Variants in TRADD observed in about 807,000 individuals in gnomAD.
The protein encoded by TRADD is TNFRSF1A associated via death domain, also known as tumor necrosis factor receptor type 1-associated DEATH domain protein.
TRADD carries 14 observed loss-of-function variants against 31.5 expected under a neutral mutation model. That is an observed-to-expected ratio of 0.44 (90% CI 0.29 to 0.69). The LOEUF is 0.69. TRADD is among the 30% of genes least tolerant of loss of function. The pLI is 0.11. For missense variants in TRADD, 388 were observed against 435.7 expected (o/e 0.89, Z 0.97); for synonymous variants, 220 against 215.8 (o/e 1.02, Z -0.17).
rs1333925764 is a variant in TRADD at position 67,156,078 on chromosome 16, C to T, written c.152-424G>A. 7.4e-7 allele frequency: 1 copy of T among 1,349,662 alleles called. No individual in the cohort carries two copies. The highest frequency in any genetic ancestry group is 4.4e-5 in the East Asian group (1 of 22,822). 83.6% of individuals were successfully genotyped at this position (1,349,662 alleles called of 1,614,324 possible). A position where few individuals can be genotyped will look rare whatever the true frequency, so the allele number is the denominator to read the frequency against. On this transcript the variant is annotated intron_variant, in intron 2 of 4. Transcript: ENST00000345057. This position sits in a 1 kb window ranked among gnomAD's most constrained non-coding sequence, Gnocchi z 4.6. ...ACTGCTCGGGAAGAAGAGGGGCTCT[C>T]GCCGCTCTGAGGCCACGAACAGATC...
Position 67,156,125 on chromosome 16 carries a change from T to C in TRADD, c.151+385A>G. Reference sequence around the variant, plus strand: ...GATCCCCCAACCCGCTTCAGCCTCCTGTGGCCTCTGCCCTGAGATGGGAAA... The same window carrying C: ...GATCCCCCAACCCGCTTCAGCCTCCCGTGGCCTCTGCCCTGAGATGGGAAA... On this transcript the variant is annotated intron_variant, in intron 2 of 4. Transcript: ENST00000345057. The surrounding 1 kb of genome is among the most constrained non-coding windows in gnomAD (Gnocchi z 4.6). 7.4e-7 allele frequency: 1 copy of C among 1,352,176 alleles called. No homozygotes were observed. The highest frequency in any genetic ancestry group is 9.7e-7 in the Non-Finnish European group (1 of 1,030,762). The allele number at this position is 1,352,176 out of a possible 1,614,324, so 83.8% of individuals were successfully genotyped here.
rs1424990151 is a variant in TRADD, at chr16:67,154,714, TCTC to T, written c.871_873del (p.Glu291del). The T allele has an allele frequency of 6.2e-7, 1 of 1,612,494 alleles. No homozygotes were observed. ...TCCTCTGCCAGGCTGGTGAGCTCGT[TCTC>T]CTCGAGTGCCTCCACCAGGCGCTGC... On this transcript the variant is annotated inframe_deletion, in exon 5 of 5. Coordinates refer to ENST00000345057, the MANE Select transcript of TRADD (RefSeq NM_003789.4). The surrounding 1 kb of genome is among the most constrained non-coding windows in gnomAD (Gnocchi z 5.2).
rs753146620 is a variant in TRADD, at chr16:67,154,694, T to G, written c.894A>C (p.Ala298=). Residue 298 remains alanine (A), a synonymous_variant, in exon 5 of 5, where the codon GCA becomes GCC. Coordinates refer to ENST00000345057, the MANE Select transcript of TRADD (RefSeq NM_003789.4). The surrounding 1 kb of genome is among the most constrained non-coding windows in gnomAD (Gnocchi z 5.2). The part of the protein sequence containing the change: ...ALEENELTSL[A]EDLLGLTDPN... ...GATCGGTCAGGCCCAGCAAGTCCTC[T>G]GCCAGGCTGGTGAGCTCGTTCTCCT... 1 of 1,612,932 alleles carries G rather than the reference T, an allele frequency of 6.2e-7. No individual in the cohort carries two copies. The highest frequency in any genetic ancestry group is 1.3e-5 in the African/African-American group (1 of 75,050).
chr16:67,158,770 G>T (rs1233887260), intron 1 of TRADD, among the ~76,000 whole-genome samples: 1 of 152,202 alleles, frequency 6.6e-6, no homozygotes, highest in Non-Finnish European at 1.5e-5. Context: ...AGCCAGCCAC[G>T]GAGGTGAGAT....
intron 1 of TRADD, among the ~76,000 whole-genome samples, chr16:67,157,360 G>C (rs1332037915): frequency 6.6e-6 from 1 of 152,120 alleles, no homozygotes; most frequent in South Asian, 2.1e-4. Flanking sequence ...TTCAGGGCGG[G>C]GTATAGGACT....
chr16:67,156,742 G>A lies in TRADD; in HGVS notation c.-8-74C>T. On this transcript the variant is annotated intron_variant, in intron 1 of 4. Coordinates refer to ENST00000345057, the MANE Select transcript of TRADD (RefSeq NM_003789.4). The surrounding 1 kb of genome is among the most constrained non-coding windows in gnomAD (Gnocchi z 4.6). ...CCTGGAGACAACTACCCAGCCCCAC[G>A]TGGTTCAGCTGTCCCCACCACAGTA... 1 of 1,593,430 alleles carries A rather than the reference G, an allele frequency of 6.3e-7. No homozygotes were observed. Among genetic ancestry groups the A allele is most frequent in the Non-Finnish European group, 8.5e-7 (1 of 1,170,262 alleles).
At chr16:67,155,763 C>T in intron 2 of TRADD, 109 bp from the exon 3 acceptor site, 1 of 1,468,140 alleles carries the variant, frequency 6.8e-7, no homozygotes, top group Non-Finnish European at 9.0e-7. Flanking sequence ...CATCCCCTGA[C>T]CTAGGGTGCA....
At position 67,155,090 on chromosome 16, in the gene TRADD, C is replaced by T; in HGVS notation, c.628+6G>A. The T allele has an allele frequency of 1.9e-6, 3 of 1,544,598 alleles. No individual in the cohort carries two copies. The highest frequency in any genetic ancestry group is 2.6e-6 in the Non-Finnish European group (3 of 1,147,708). On this transcript the variant is annotated splice_donor_region_variant and intron_variant, in intron 4 of 4. Transcript: ENST00000345057. Reference sequence around the variant, plus strand: ...TGGTGACCCCGCCTCTCCACCTGCGCCTCACCTACAGGCTGACCCTGGAAC... The same window carrying T: ...TGGTGACCCCGCCTCTCCACCTGCGTCTCACCTACAGGCTGACCCTGGAAC...
chr16:67,154,545 C>G lies in TRADD; in HGVS notation c.*104G>C, dbSNP rs1004797897. The G allele has an allele frequency of 9.2e-6, 13 of 1,416,400 alleles. No individual in the cohort carries two copies. The highest frequency in any genetic ancestry group is 1.3e-5 in the Non-Finnish European group (13 of 1,038,446). The allele number at this position is 1,416,400 out of a possible 1,614,324, so 87.7% of individuals were successfully genotyped here. On this transcript the variant is annotated 3_prime_UTR_variant, in exon 5 of 5. Transcript: ENST00000345057. This position sits in a 1 kb window ranked among gnomAD's most constrained non-coding sequence, Gnocchi z 5.2. Reference sequence around the variant, plus strand: ...GCCCCAGCAGGTCCAGCAGATAGGCCAAGTGGAGTTTCAGGGTCCCGTGGA... The same window carrying G: ...GCCCCAGCAGGTCCAGCAGATAGGCGAAGTGGAGTTTCAGGGTCCCGTGGA...
rs148374986 is a variant in TRADD, at chr16:67,156,517, G to A, written c.144C>T (p.Ala48=). The change falls in exon 2 of 5, where the codon GCC becomes GCT. Residue 48 remains alanine (A), a synonymous_variant. Coordinates refer to ENST00000345057, the MANE Select transcript of TRADD (RefSeq NM_003789.4). This position sits in a 1 kb window ranked among gnomAD's most constrained non-coding sequence, Gnocchi z 4.6. ...KVAVYRALQA[A]LAESGGSPDV... is the part of the protein sequence containing the mutation. ...GCCCGCCCATCCACGCACCTGCCAAGGCAGCCTGCAGAGCCCTGTACACTG... is the reference window on the plus strand; with the variant it reads ...GCCCGCCCATCCACGCACCTGCCAAAGCAGCCTGCAGAGCCCTGTACACTG... The A allele has an allele frequency of 1.7e-5, 28 of 1,612,488 alleles. No homozygotes were observed. In the African/African-American group the frequency reaches 3.1e-4, roughly 18 times the overall value.
chr16:67,155,399 A>C lies in TRADD; in HGVS notation c.407T>G (p.Leu136Trp), dbSNP rs760651614. 4 of 1,599,116 alleles carry C rather than the reference A, an allele frequency of 2.5e-6. No individual in the cohort carries two copies. The highest frequency in any genetic ancestry group is 3.4e-6 in the Non-Finnish European group (4 of 1,179,692). The change falls in exon 3 of 5, where the codon TTG becomes TGG. Residue 136 changes from leucine (L) to tryptophan (W), a missense_variant. Transcript: ENST00000345057. Reference protein sequence around the residue: ...DALLADEERCLSCILAQQPDR... With the variant: ...DALLADEERCWSCILAQQPDR... ...CACCTGCTGGGCTAGGATGCAACTC[A>C]AACAGCGCTCCTCGTCCGCCAGCAA...
At chr16:67,157,863 G>A (rs952240173) in intron 1 of TRADD, among the ~76,000 whole-genome samples, 2 of 152,042 alleles carry the variant, frequency 1.3e-5, no homozygotes, top group African/African-American at 4.8e-5. Context: ...TTACTACCCC[G>A]TGAGACAGCA....
chr16:67,157,004 C>T (rs766908295), intron 1 of TRADD, among the ~76,000 whole-genome samples: 5 of 152,210 alleles, frequency 3.3e-5, no homozygotes, highest in Non-Finnish European at 1.5e-5. Context: ...CTTCTCAGGC[C>T]TGTGTGTCTC....
chr16:67,154,439 A>C lies in TRADD; in HGVS notation c.*210T>G. On this transcript the variant is annotated 3_prime_UTR_variant, in exon 5 of 5. Coordinates refer to ENST00000345057, the MANE Select transcript of TRADD (RefSeq NM_003789.4). The surrounding 1 kb of genome is among the most constrained non-coding windows in gnomAD (Gnocchi z 5.2). ...CTCCAAAGCAGGTCCCCCCCACCCCACACTCTATCAAAGTACCTGAGGCAG... is the reference window on the plus strand; with the variant it reads ...CTCCAAAGCAGGTCCCCCCCACCCCCCACTCTATCAAAGTACCTGAGGCAG... 1 of 631,366 alleles carries C rather than the reference A, an allele frequency of 1.6e-6. No individual in the cohort carries two copies. 39.1% of individuals were successfully genotyped at this position (631,366 alleles called of 1,614,324 possible).
In TRADD at chr16:67,155,130, A is replaced by T; in HGVS notation, c.594T>A (p.Pro198=). The T allele has an allele frequency of 6.5e-7, 1 of 1,545,496 alleles. No individual in the cohort carries two copies. The highest frequency in any genetic ancestry group is 8.7e-7 in the Non-Finnish European group (1 of 1,148,632). ...SEVKPPPPPP[P]AQTFLFQGQP... is the part of the protein sequence containing the mutation. ...GACCCTGGAACAGAAAAGTCTGGGC[A>T]GGTGGCGGCGGCGGCGGCGGCTTCA... The change falls in exon 4 of 5, where the codon CCT becomes CCA. Residue 198 remains proline, a synonymous_variant. Transcript: ENST00000345057.
Position 67,155,236 on chromosome 16 carries a change from T to G in TRADD, c.488A>C (p.Lys163Thr). 1.3e-5 allele frequency: 21 copies of G among 1,606,832 alleles called. No individual in the cohort carries two copies. Among genetic ancestry groups the G allele is most frequent in the Non-Finnish European group, 1.8e-5 (21 of 1,177,660 alleles). Residue 163 changes from lysine to threonine, a missense_variant, in exon 4 of 5, where the codon AAG (lysine) becomes ACG (threonine). Coordinates refer to ENST00000345057, the MANE Select transcript of TRADD (RefSeq NM_003789.4). Reference sequence around the variant, plus strand: ...GCCACCCCGGGCCCCCGAGCCGCACTTCAGATTTCGCAGCGCATCCTCCAG... The same window carrying G: ...GCCACCCCGGGCCCCCGAGCCGCACGTCAGATTTCGCAGCGCATCCTCCAG... ...AELEDALRNL[K>T]CGSGARGGDG...
In TRADD at chr16:67,159,086, G is replaced by C. The variant is rs948674665; in HGVS notation, c.-9+752C>G. On this transcript the variant is annotated intron_variant, in intron 1 of 4. Transcript: ENST00000345057. This position sits in a 1 kb window ranked among gnomAD's most constrained non-coding sequence, Gnocchi z 6.8. ...GGAGGTCGAGTTAACAGGGTAAAGA[G>C]GCCAGGGCCCTAGTTTCGCATCCGC... Among the ~76,000 whole-genome samples, 1 of 152,232 alleles carries C rather than the reference G, an allele frequency of 6.6e-6. No homozygotes were observed. Among genetic ancestry groups the C allele is most frequent in the African/African-American group, 2.4e-5 (1 of 41,456 alleles).
rs764237044 is a variant in TRADD at position 67,156,533 on chromosome 16, C to G, written c.128G>C (p.Arg43Thr). 6.2e-7 allele frequency: 1 copy of G among 1,613,430 alleles called. No homozygotes were observed. The highest frequency in any genetic ancestry group is 2.2e-5 in the East Asian group (1 of 44,874). Reference protein sequence around the residue: ...AHPQQKVAVYRALQAALAESG... With the variant: ...AHPQQKVAVYTALQAALAESG... Reference sequence around the variant, plus strand: ...ACCTGCCAAGGCAGCCTGCAGAGCCCTGTACACTGCCACCTTCTGCTGGGG... The same window carrying G: ...ACCTGCCAAGGCAGCCTGCAGAGCCGTGTACACTGCCACCTTCTGCTGGGG... Residue 43 changes from arginine to threonine, a missense_variant, in exon 2 of 5, where the codon AGG becomes ACG. Coordinates refer to ENST00000345057, the MANE Select transcript of TRADD (RefSeq NM_003789.4). This position sits in a 1 kb window ranked among gnomAD's most constrained non-coding sequence, Gnocchi z 4.6.
chr16:67,154,757 G>A lies in TRADD; in HGVS notation c.831C>T (p.Gly277=), dbSNP rs759905645. 6.2e-7 allele frequency: 1 copy of A among 1,607,316 alleles called. No homozygotes were observed. Among genetic ancestry groups the A allele is most frequent in the African/African-American group, 1.3e-5 (1 of 74,932 alleles). The stretch of plus-strand genomic sequence containing the variant: ...CCAGGCGCTGCAGCGTGGCGCGGCG[G>A]CCCTCGGCCTGCACGAAGCGCCGCA... ...QLLRRFVQAE[G]RRATLQRLVE... The change falls in exon 5 of 5, where the codon GGC becomes GGT. Residue 277 remains glycine, a synonymous_variant. Coordinates refer to ENST00000345057, the MANE Select transcript of TRADD (RefSeq NM_003789.4). This position sits in a 1 kb window ranked among gnomAD's most constrained non-coding sequence, Gnocchi z 5.2.
Sources: gnomAD v4.1 joint callset for allele counts (sites outside exome capture counted in the v4.1 genomes callset) on GRCh38, gnomAD v4.1.1 for gene constraint, Gnocchi (gnomAD v3.1) non-coding constraint, MANE v1.5 for transcripts, NCBI Gene and HGNC (gene_info 2026-07-23, HGNC 2026-07-21) for gene names.